Variants in SGTB observed in about 807,000 individuals in gnomAD.
SGTB encodes the protein small glutamine rich tetratricopeptide repeat co-chaperone beta, also known as small glutamine-rich tetratricopeptide repeat-containing protein beta.
In SGTB, 19 loss-of-function variants were observed where a neutral mutation model predicts 43.9. That is an observed-to-expected ratio of 0.43 (90% confidence interval 0.30 to 0.63). The LOEUF (loss-of-function observed/expected upper bound fraction) is 0.63. Among genes scored for constraint, SGTB ranks in the 30% least tolerant of loss-of-function variants. The pLI is 0.12. For synonymous variants in SGTB, 116 were observed against 117.3 expected (o/e 0.99, Z 0.07); for missense variants, 304 against 358.9 (o/e 0.85, Z 1.24).
chr5:65,683,774 G>A (rs796129240), intron 6 of SGTB, among the ~76,000 whole-genome samples: 14 of 151,944 alleles, frequency 9.2e-5, no homozygotes, highest in African/African-American at 3.4e-4. Flanking sequence ...GTGAAACCCC[G>A]TCTCTACTAA....
chr5:65,670,363 G>A lies in SGTB; in HGVS notation c.804-6C>T. 1.9e-6 allele frequency: 3 copies of A among 1,611,376 alleles called. No individual in the cohort carries two copies. The highest frequency in any genetic ancestry group is 2.5e-6 in the Non-Finnish European group (3 of 1,177,786). On this transcript the variant is annotated splice_region_variant and splice_polypyrimidine_tract_variant and intron_variant, in intron 10 of 10. Transcript: ENST00000381007. ...GCTGAGCAAACTGCTGTCCCCTGTA[G>A]TAAAGAGGCAATGTGGTTTGAATAG...
intron 5 of SGTB, among the ~76,000 whole-genome samples, chr5:65,696,246 A>G (rs1465702120): frequency 6.6e-6 from 1 of 152,074 alleles, no homozygotes; most frequent in African/African-American, 2.4e-5. Context: ...AGGCCTTCCA[A>G]ATTCCCTGCA....
At chr5:65,707,719 C>A (rs1757963111) in intron 4 of SGTB, among the ~76,000 whole-genome samples, 1 of 152,162 alleles carries the variant, frequency 6.6e-6, no homozygotes, top group Non-Finnish European at 1.5e-5. Context: ...AGGTGTAGAC[C>A]ACCGTGCCCG....
At chr5:65,680,986 A>T (rs1410059758) in intron 6 of SGTB, among the ~76,000 whole-genome samples, 192 bp from the exon 7 acceptor site, 2 of 152,084 alleles carry the variant, frequency 1.3e-5, no homozygotes. Flanking sequence ...AACTCACTCC[A>T]TTCTGCTTGC....
intron 1 of SGTB, among the ~76,000 whole-genome samples, 160 bp from the exon 2 acceptor site, chr5:65,720,989 G>T (rs1392923447): frequency 1.3e-5 from 2 of 152,178 alleles, no homozygotes; most frequent in African/African-American, 4.8e-5. Context: ...AAAGAGTCAG[G>T]AGAGCACAAA....
intron 2 of SGTB, among the ~76,000 whole-genome samples, chr5:65,715,500 G>A (rs1270909473): frequency 1.3e-5 from 2 of 152,210 alleles, no homozygotes; most frequent in Admixed American, 1.3e-4. Flanking sequence ...AATAGACTTA[G>A]AAACTAAGAT....
At chr5:65,691,204 T>C (rs983044197) in intron 5 of SGTB, among the ~76,000 whole-genome samples, 1 of 152,134 alleles carries the variant, frequency 6.6e-6, no homozygotes, top group African/African-American at 2.4e-5. Flanking sequence ...AAAATCAATT[T>C]CCTAGCTCTG....
intron 4 of SGTB, among the ~76,000 whole-genome samples, chr5:65,705,708 C>T (rs1579879257): frequency 6.6e-6 from 1 of 152,028 alleles, no homozygotes; most frequent in East Asian, 1.9e-4. Context: ...CTAATAAGCA[C>T]ATGGTTTTTG....
chr5:65,689,308 T>G (rs892725718), intron 5 of SGTB, among the ~76,000 whole-genome samples: 3 of 152,204 alleles, frequency 2.0e-5, no homozygotes, highest in Non-Finnish European at 2.9e-5. Flanking sequence ...ACATCTACTT[T>G]GCACAGAATC....
upstream of SGTB, chr5:65,722,133 G>T (rs962532202): frequency 4.1e-5 from 8 of 193,700 alleles, no homozygotes; most frequent in African/African-American, 1.4e-4. Flanking sequence ...CCTGGGGCGG[G>T]GCCGGACGCG....
rs920960126 is a variant in SGTB, at chr5:65,667,460, G to C, written c.*2786C>G. 3.3e-5 allele frequency: 5 copies of C among 152,154 alleles called. No homozygotes were observed. Among genetic ancestry groups the C allele is most frequent in the African/African-American group, 1.2e-4 (5 of 41,434 alleles). 9.4% of individuals were successfully genotyped at this position (152,154 alleles called of 1,614,324 possible). On this transcript the variant is annotated 3_prime_UTR_variant, in exon 11 of 11. Coordinates refer to ENST00000381007, the MANE Select transcript of SGTB (RefSeq NM_019072.3). ...TATATCACAGTAATGACTTCTATGT[G>C]TTAGTAGTAGTACTTCGTTCTGTGT...
At chr5:65,689,819 C>T (rs1757571500) in intron 5 of SGTB, among the ~76,000 whole-genome samples, 1 of 152,040 alleles carries the variant, frequency 6.6e-6, no homozygotes, top group Non-Finnish European at 1.5e-5. Flanking sequence ...TTTCTTCATA[C>T]AGCATGACTG....
chr5:65,718,952 G>GAAA (rs1380202332), intron 2 of SGTB, among the ~76,000 whole-genome samples: 1 of 152,002 alleles, frequency 6.6e-6, no homozygotes, highest in African/African-American at 2.4e-5. Context: ...GCATTTATCT[G>GAAA]TTTGCTACAG....
intron 10 of SGTB, among the ~76,000 whole-genome samples, chr5:65,670,651 A>G (rs1481083241): frequency 5.3e-5 from 8 of 152,218 alleles, no homozygotes; most frequent in Admixed American, 1.3e-4. Context: ...TAAGACGTAT[A>G]TGTTTTTATT....
At chr5:65,717,353 TG>T (rs1418282606) in intron 2 of SGTB, among the ~76,000 whole-genome samples, 28 of 152,114 alleles carry the variant, frequency 1.8e-4, no homozygotes, top group Middle Eastern at 6.8e-3. Flanking sequence ...GGGAGAATAA[TG>T]GTAAGTTTAT....
chr5:65,671,580 AAAG>A (rs1757154159), intron 10 of SGTB, among the ~76,000 whole-genome samples: 1 of 151,918 alleles, frequency 6.6e-6, no homozygotes, highest in Non-Finnish European at 1.5e-5. Flanking sequence ...CCAAAAAAGA[AAAG>A]AAGAAAAAGA....
At chr5:65,674,215 A>G (rs1757220512) in intron 8 of SGTB, among the ~76,000 whole-genome samples, 1 of 151,716 alleles carries the variant, frequency 6.6e-6, no homozygotes, top group Non-Finnish European at 1.5e-5. Flanking sequence ...TAGGCCCTGG[A>G]GATTTCTTAC....
At chr5:65,715,792 C>T (rs558597765) in intron 2 of SGTB, among the ~76,000 whole-genome samples, 14 of 152,268 alleles carry the variant, frequency 9.2e-5, no homozygotes, top group East Asian at 5.8e-4. Flanking sequence ...GTTTTTGAGA[C>T]GGAGTCTCGC....
Position 65,722,086 on chromosome 5 carries a change from GCT to G in SGTB, c.-194_-193del, listed in dbSNP as rs896766462. ...TAGACCCCAGAACCCACCAGGCTGT[GCT>G]CTCTCTCAGGCGGCAGGGTCTGGCC... On this transcript the variant is annotated 5_prime_UTR_variant, in exon 1 of 11. Coordinates refer to ENST00000381007, the MANE Select transcript of SGTB (RefSeq NM_019072.3). The G allele has an allele frequency of 5.4e-5, 9 of 167,698 alleles. No individual in the cohort carries two copies. Among genetic ancestry groups the G allele is most frequent in the Admixed American group, 3.2e-4 (5 of 15,750 alleles). 10.4% of individuals were successfully genotyped at this position (167,698 alleles called of 1,614,324 possible).
Sources: allele counts gnomAD v4.1 joint callset (sites outside exome capture counted in the v4.1 genomes callset), GRCh38; gene constraint gnomAD v4.1.1; transcripts MANE v1.5; gene names NCBI Gene and HGNC (gene_info 2026-07-23, HGNC 2026-07-21).